The following FANCM variants were observed in gnomAD, a reference collection of about 807,000 sequenced individuals.
FANCM encodes Fanconi anemia group M protein.
In FANCM, 140 loss-of-function variants were observed where a neutral mutation model predicts 199.5. The observed-to-expected ratio is 0.70, with a 90% CI of 0.61 to 0.81. The LOEUF (loss-of-function observed/expected upper bound fraction) is 0.81. Among genes scored for constraint, FANCM ranks in the 30% least tolerant of loss-of-function variants. FANCM has a pLI of 0.00. For synonymous variants in FANCM, 840 were observed against 836.8 expected, an observed-to-expected ratio of 1.00 and a Z score of -0.07; for missense variants, 2,410 against 2,421.4, an observed-to-expected ratio of 1.00 and a Z score of 0.10.
intron 13 of FANCM, 148 bp downstream of exon 13, chr14:45,173,358 TAAGAG>T (rs1362306757): frequency 2.0e-5 from 14 of 713,710 alleles, no homozygotes; most frequent in African/African-American, 9.0e-5. Flanking sequence ...TTTTCTGCCT[TAAGAG>T]AAGAAATAGA....
intron 6 of FANCM, 54 bp downstream of exon 6, chr14:45,154,106 A>C: frequency 7.3e-7 from 1 of 1,373,336 alleles, no homozygotes; most frequent in Non-Finnish European, 1.0e-6. Flanking sequence ...TTTTGGCTAA[A>C]GACATATTGA....
rs1888447492 is a variant in FANCM at position 45,173,147 on chromosome 14, C to T, written c.2253C>T (p.His751=). The change falls in exon 13 of 23, where the codon CAC becomes CAT. Residue 751 remains histidine (H), a synonymous_variant. Transcript: ENST00000267430. ...DHPLPTHQVD[H]SDRCRHFIGL... ...CTTTGCCTACACATCAAGTTGATCACTCAGATCGATGCCGCCATTTTATAG... is the reference window on the plus strand; with the variant it reads ...CTTTGCCTACACATCAAGTTGATCATTCAGATCGATGCCGCCATTTTATAG... 1 of 1,613,250 alleles carries T rather than the reference C, an allele frequency of 6.2e-7. No homozygotes were observed. Among genetic ancestry groups the T allele is most frequent in the African/African-American group, 1.3e-5 (1 of 74,888 alleles).
chr14:45,198,911 C>A lies in FANCM; in HGVS notation c.5984C>A (p.Ser1995Ter). ...GCATTAAATATGTGTCACCAGTTTT[C>A]ATCTGTGAAAAGGATGGCTAACAGG... is the stretch of plus-strand genomic sequence containing the variant. ...ITALNMCHQF[S>*]SVKRMANSSL... is the part of the protein sequence containing the mutation. Residue 1995 changes from serine to a stop codon, truncating the protein, a stop_gained, in exon 22 of 23, where the codon TCA becomes TAA. Coordinates refer to ENST00000267430, the MANE Select transcript of FANCM (RefSeq NM_020937.4). LOFTEE classifies it high-confidence loss of function. 1 of 1,609,694 alleles carries A rather than the reference C, an allele frequency of 6.2e-7. No individual in the cohort carries two copies. The highest frequency in any genetic ancestry group is 8.5e-7 in the Non-Finnish European group (1 of 1,176,418).
intron 9 of FANCM, among the ~76,000 whole-genome samples, chr14:45,163,715 G>A (rs956870279): frequency 6.6e-6 from 1 of 152,200 alleles, no homozygotes; most frequent in Non-Finnish European, 1.5e-5. Context: ...ATAAATAGGA[G>A]TGATTGCTGT....
At position 45,152,032 on chromosome 14, in the gene FANCM, C is replaced by CT. The variant is rs200837764; in HGVS notation, c.1050+518dup. Among the ~76,000 whole-genome samples, 1,007 of 137,472 alleles carry CT rather than the reference C, an allele frequency of 7.3e-3. 9 individuals are homozygous for CT. The highest frequency in any genetic ancestry group is 0.021 in the African/African-American group (796 of 37,722). 90.2% of individuals were successfully genotyped at this position (137,472 alleles called of 152,430 possible). On this transcript the variant is annotated intron_variant, in intron 5 of 22. Coordinates refer to ENST00000267430, the MANE Select transcript of FANCM (RefSeq NM_020937.4). The stretch of plus-strand genomic sequence containing the variant: ...GATAAATTTTACCTTTTAACTTTTT[C>CT]TTTTTTTTTTTTTTGAGACAGAATT...
chr14:45,194,718 G>C (rs183747035), intron 20 of FANCM, among the ~76,000 whole-genome samples: 1 of 151,834 alleles, frequency 6.6e-6, no homozygotes, highest in Non-Finnish European at 1.5e-5. Flanking sequence ...AAATGTTGCC[G>C]GTGTAACTTT....
chr14:45,161,388 T>C (rs926524863), intron 9 of FANCM, among the ~76,000 whole-genome samples: 1 of 152,214 alleles, frequency 6.6e-6, no homozygotes, highest in Non-Finnish European at 1.5e-5. Flanking sequence ...GGGCCCTATA[T>C]GTCATTTCCA....
intron 11 of FANCM, among the ~76,000 whole-genome samples, chr14:45,170,361 T>C (rs1888258514): frequency 6.6e-6 from 1 of 152,140 alleles, no homozygotes; most frequent in East Asian, 1.9e-4. Context: ...ACTTCATCTC[T>C]ACAAAAAATA....
chr14:45,188,737 GT>G (rs1226590003), intron 19 of FANCM, 64 bp from the exon 20 acceptor site: 14 of 1,203,846 alleles, frequency 1.2e-5, no homozygotes, highest in African/African-American at 1.5e-5. Flanking sequence ...GTGCCTAGAA[GT>G]ATATTTTAAA....
At chr14:45,195,763 A>G (rs1294491312) in intron 20 of FANCM, among the ~76,000 whole-genome samples, 2 of 152,176 alleles carry the variant, frequency 1.3e-5, no homozygotes, top group Non-Finnish European at 2.9e-5. Flanking sequence ...CTTTCTGGTT[A>G]TCTGATCTTC....
In FANCM at chr14:45,164,369, A is replaced by T; in HGVS notation, c.1592A>T (p.Gln531Leu). The part of the protein sequence containing the change: ...TQKEQLEVVK[Q>L]FRDGGYNTLV... Reference sequence around the variant, plus strand: ...TTGTTTTTATTTTAGGTAGTGAAACAGTTTCGTGACGGTGGTTACAACACG... The same window carrying T: ...TTGTTTTTATTTTAGGTAGTGAAACTGTTTCGTGACGGTGGTTACAACACG... The change falls in exon 10 of 23, where the codon CAG becomes CTG. Residue 531 changes from glutamine to leucine, a missense_variant. By Grantham distance (113) the Gln-to-Leu change is moderately radical. Transcript: ENST00000267430. The T allele has an allele frequency of 1.2e-6, 2 of 1,612,098 alleles. No individual in the cohort carries two copies. Among genetic ancestry groups the T allele is most frequent in the Non-Finnish European group, 8.5e-7 (1 of 1,179,180 alleles).
Position 45,175,957 on chromosome 14 carries a change from A to G in FANCM, c.3203A>G (p.Asp1068Gly). The G allele has an allele frequency of 6.2e-7, 1 of 1,613,544 alleles. No individual in the cohort carries two copies. The highest frequency in any genetic ancestry group is 8.5e-7 in the Non-Finnish European group (1 of 1,179,592). ...CCATCTGAAAAAAGTTGCCTTTATG[A>G]TATACCTAATGATAATATTTCTGAT... ...NYPSEKSCLYDIPNDNISDEP... is the reference protein window; with the variant it reads ...NYPSEKSCLYGIPNDNISDEP... The change falls in exon 14 of 23, where the codon GAT becomes GGT. Residue 1068 changes from aspartate (D) to glycine (G), a missense_variant. By Grantham distance (94) the Asp-to-Gly change is moderately conservative. Transcript: ENST00000267430.
At chr14:45,171,853 T>C (rs1478587360) in intron 12 of FANCM, among the ~76,000 whole-genome samples, 1 of 152,112 alleles carries the variant, frequency 6.6e-6, no homozygotes, top group Non-Finnish European at 1.5e-5. Context: ...TAATGACTTC[T>C]TTTCCTCTGG....
At position 45,154,826 on chromosome 14, in the gene FANCM, TG is replaced by T. The variant is rs926175984; in HGVS notation, c.1309+6del. ...GGTATTTCTGCTATCCAACAAGGTC[TG>T]GTTTTTCTTTTAAAATTATGTATTG... is the stretch of plus-strand genomic sequence containing the variant. On this transcript the variant is annotated splice_donor_5th_base_variant and intron_variant, in intron 7 of 22. Coordinates refer to ENST00000267430, the MANE Select transcript of FANCM (RefSeq NM_020937.4). The T allele has an allele frequency of 1.2e-6, 2 of 1,607,470 alleles. No homozygotes were observed. Among genetic ancestry groups the T allele is most frequent in the Admixed American group, 1.7e-5 (1 of 59,662 alleles).
chr14:45,174,627 G>A (rs544975799), intron 13 of FANCM, among the ~76,000 whole-genome samples: 1 of 152,194 alleles, frequency 6.6e-6, no homozygotes, highest in South Asian at 2.1e-4. Context: ...GTACTACTAT[G>A]TTGGACATTC....
rs748294331 is a variant in FANCM at position 45,135,998 on chromosome 14, T to A, written c.-34T>A. On this transcript the variant is annotated 5_prime_UTR_variant, in exon 1 of 23. Transcript: ENST00000267430. ...GCGGTTGAGCTGCTGCTGCTACGGA[T>A]ATCTGACAGAAGCCTTCGGTGGTTG... The A allele has an allele frequency of 3.1e-6, 5 of 1,611,578 alleles. No individual in the cohort carries two copies. The South Asian group carries it at 5.5e-5, about 18-fold the overall frequency.
chr14:45,149,693 A>G (rs1886683508), intron 4 of FANCM, among the ~76,000 whole-genome samples: 1 of 152,032 alleles, frequency 6.6e-6, no homozygotes, highest in Non-Finnish European at 1.5e-5. Context: ...TTGTATTGAA[A>G]TATATTTTCA....
chr14:45,166,663 C>T (rs1469363803), intron 10 of FANCM, among the ~76,000 whole-genome samples: 1 of 151,676 alleles, frequency 6.6e-6, no homozygotes, highest in Non-Finnish European at 1.5e-5. Context: ...GTAGTCCCAG[C>T]TACTCAGGAG....
At chr14:45,137,288 A>C in intron 2 of FANCM, 47 bp downstream of exon 2, 1 of 1,553,366 alleles carries the variant, frequency 6.4e-7, no homozygotes, top group Non-Finnish European at 8.8e-7. Context: ...TGTACTGTTA[A>C]AGAGAATTTT....
Sources: gnomAD v4.1 joint callset for allele counts (sites outside exome capture counted in the v4.1 genomes callset) on GRCh38, gnomAD v4.1.1 for gene constraint, MANE v1.5 for transcripts, NCBI Gene and HGNC (gene_info 2026-07-23, HGNC 2026-07-21) for gene names.